TATDN1: variants seen among roughly 807,000 people sequenced by gnomAD.
TATDN1 encodes the protein TatD DNase domain containing 1.
A neutral mutation model predicts 46.4 loss-of-function variants in TATDN1; 40 were observed. The observed-to-expected ratio is 0.86, with a 90% CI of 0.67 to 1.12. The LOEUF is 1.12. Among genes scored for constraint, TATDN1 ranks in the 50% most tolerant of loss-of-function variants. The pLI is 0.00. For missense variants in TATDN1, 326 were observed against 348.4 expected (o/e 0.94, Z 0.51); for synonymous variants, 95 against 105.6 (o/e 0.90, Z 0.62).
At chr8:124,533,990 C>G (rs1357613772) in intron 1 of TATDN1, among the ~76,000 whole-genome samples, 1 of 151,240 alleles carries the variant, frequency 6.6e-6, no homozygotes, top group Admixed American at 6.6e-5. Flanking sequence ...ACTAAAAATA[C>G]AAAAAATTAG....
intron 9 of TATDN1, among the ~76,000 whole-genome samples, chr8:124,498,899 C>T (rs1176798611): frequency 6.6e-6 from 1 of 151,856 alleles, no homozygotes; most frequent in Admixed American, 6.6e-5. Context: ...ATCTGCCTGC[C>T]TCAGCCTCCT....
At chr8:124,501,777 G>A (rs570438131) in intron 9 of TATDN1, among the ~76,000 whole-genome samples, 87 of 152,144 alleles carry the variant, frequency 5.7e-4, no homozygotes, top group African/African-American at 2.0e-3. Flanking sequence ...TTCCAAGGAC[G>A]GGTAAAGATG....
At chr8:124,514,565 A>C (rs1197105705) in intron 6 of TATDN1, among the ~76,000 whole-genome samples, 3 of 152,224 alleles carry the variant, frequency 2.0e-5, no homozygotes, top group African/African-American at 4.8e-5. Context: ...GCTGGCACAC[A>C]GTACTCCATA....
chr8:124,500,430 G>A (rs1389077351), intron 9 of TATDN1, among the ~76,000 whole-genome samples: 1 of 152,162 alleles, frequency 6.6e-6, no homozygotes, highest in East Asian at 1.9e-4. Flanking sequence ...ACAGGAGCCA[G>A]GTACGGTGGC....
At chr8:124,537,229 T>C (rs900870981) in intron 1 of TATDN1, among the ~76,000 whole-genome samples, 1 of 152,200 alleles carries the variant, frequency 6.6e-6, no homozygotes, top group Admixed American at 6.5e-5. Context: ...CATACCAGTA[T>C]CTGCCTTAAG....
rs75374554 is a variant in TATDN1 at position 124,511,975 on chromosome 8, A to C, written c.390-3287T>G. On this transcript the variant is annotated intron_variant, in intron 6 of 11. Coordinates refer to ENST00000276692, the MANE Select transcript of TATDN1 (RefSeq NM_032026.4). ...CTCACCCAAAGATCTGCTGATTCCA[A>C]AGCTCATCCTTTTAACATGGTCATA... Among the ~76,000 whole-genome samples, 1,507 of 152,310 alleles carry C rather than the reference A, an allele frequency of 9.9e-3. 33 individuals are homozygous for C. The highest frequency in any genetic ancestry group is 0.035 in the African/African-American group (1,441 of 41,552).
intron 6 of TATDN1, among the ~76,000 whole-genome samples, chr8:124,515,460 TAAAC>T (rs1360459724): frequency 2.6e-5 from 4 of 152,206 alleles, no homozygotes; most frequent in Non-Finnish European, 4.4e-5. Flanking sequence ...ATGCGTCTGT[TAAAC>T]AAGCAAACAG....
chr8:124,499,487 C>T (rs1048780238), intron 9 of TATDN1, among the ~76,000 whole-genome samples: 1 of 152,092 alleles, frequency 6.6e-6, no homozygotes, highest in African/African-American at 2.4e-5. Context: ...TTTAATAAGG[C>T]TTCCCATTTA....
At chr8:124,489,403 C>CTTTTTTTT (rs11443180) in intron 11 of TATDN1, 14 of 146,756 alleles carry the variant, frequency 9.5e-5, no homozygotes, top group South Asian at 4.3e-4. Context: ...TCTTTCCTTT[C>CTTTTTTTT]TTTTTTTTTT....
intron 1 of TATDN1, among the ~76,000 whole-genome samples, chr8:124,534,084 T>G (rs543422864): frequency 7.3e-6 from 1 of 137,736 alleles, no homozygotes; most frequent in Non-Finnish European, 1.5e-5. Flanking sequence ...AGGCGGAGCT[T>G]GCAGTGAGCC....
intron 2 of TATDN1, 82 bp downstream of exon 2, chr8:124,522,855 T>G (rs1820169079): frequency 3.3e-6 from 4 of 1,212,064 alleles, no homozygotes; most frequent in Non-Finnish European, 4.9e-6. Flanking sequence ...AGACTCAGCT[T>G]GAATTATGCT....
chr8:124,502,567 A>G (rs1038027822), intron 9 of TATDN1, among the ~76,000 whole-genome samples: 1 of 152,208 alleles, frequency 6.6e-6, no homozygotes, highest in Non-Finnish European at 1.5e-5. Context: ...TCCTCAGAGG[A>G]TGTTATAGAA....
intron 11 of TATDN1, among the ~76,000 whole-genome samples, chr8:124,491,925 T>C (rs539796394): frequency 3.9e-5 from 6 of 152,076 alleles, no homozygotes; most frequent in Non-Finnish European, 7.4e-5. Context: ...TAGATTTTCC[T>C]AAGCTCTGCA....
At chr8:124,508,736 C>T in intron 6 of TATDN1, 48 bp from the exon 7 acceptor site, 1 of 1,232,496 alleles carries the variant, frequency 8.1e-7, no homozygotes, top group Admixed American at 2.9e-5. Flanking sequence ...TGTATTTTAG[C>T]ATGAGGAAGG....
intron 1 of TATDN1, among the ~76,000 whole-genome samples, chr8:124,537,002 A>C (rs886646084): frequency 3.9e-5 from 6 of 152,166 alleles, no homozygotes; most frequent in African/African-American, 1.4e-4. Flanking sequence ...TAATATGGTT[A>C]CTTTAGGAGA....
intron 6 of TATDN1, among the ~76,000 whole-genome samples, chr8:124,511,147 AT>A (rs1818970747): frequency 6.6e-6 from 1 of 152,120 alleles, no homozygotes; most frequent in Non-Finnish European, 1.5e-5. Flanking sequence ...AATGAAAATA[AT>A]TTTCCACTTG....
At chr8:124,528,957 C>G (rs1051638353) in intron 1 of TATDN1, among the ~76,000 whole-genome samples, 5 of 152,228 alleles carry the variant, frequency 3.3e-5, no homozygotes, top group African/African-American at 9.7e-5. Context: ...GCCTGAACTA[C>G]AGCTGCCTGG....
intron 4 of TATDN1, among the ~76,000 whole-genome samples, chr8:124,517,024 A>G (rs1819531820): frequency 6.6e-6 from 1 of 152,226 alleles, no homozygotes; most frequent in African/African-American, 2.4e-5. Flanking sequence ...CTGGTAATGG[A>G]GGTGGGAGAA....
chr8:124,534,971 G>T (rs1821304539), intron 1 of TATDN1, among the ~76,000 whole-genome samples: 1 of 152,230 alleles, frequency 6.6e-6, no homozygotes, highest in Non-Finnish European at 1.5e-5. Flanking sequence ...GACACATAGA[G>T]ACATGTATGG....
Sources: allele counts gnomAD v4.1 joint callset (sites outside exome capture counted in the v4.1 genomes callset), GRCh38; gene constraint gnomAD v4.1.1; transcripts MANE v1.5; gene names NCBI Gene and HGNC (gene_info 2026-07-23, HGNC 2026-07-21).